The following DAB1 variants were observed in gnomAD, a reference collection of about 807,000 sequenced individuals.
The protein encoded by DAB1 is disabled homolog 1.
In DAB1, 15 loss-of-function variants were observed where a neutral mutation model predicts 64.6. The observed-to-expected ratio is 0.23, with a 90% CI of 0.16 to 0.36. The LOEUF (loss-of-function observed/expected upper bound fraction) is 0.36, where lower values mean the gene tolerates loss of function less well. Ranked by LOEUF, DAB1 falls within the 10% of genes least tolerant of loss-of-function variation. DAB1 has a pLI of 1.00. For missense variants in DAB1, 596 were observed against 706.7 expected (o/e 0.84, Z 1.78); for synonymous variants, 235 against 251.9 (o/e 0.93, Z 0.64).
At chr1:57,423,151 G>C (rs570430724) in intron 1 of DAB1, among the ~76,000 whole-genome samples, 3 of 150,972 alleles carry the variant, frequency 2.0e-5, no homozygotes, top group South Asian at 4.3e-4. Context: ...AAGTTTCCTT[G>C]GTAGAAAAAA....
At chr1:58,064,166 C>T (rs1451462648) in intron 5 of DAB1, among the ~76,000 whole-genome samples, 7 of 152,154 alleles carry the variant, frequency 4.6e-5, no homozygotes, top group Non-Finnish European at 8.8e-5. Flanking sequence ...AAGAAAGAAC[C>T]ACGGGGCCTC....
intron 1 of DAB1, among the ~76,000 whole-genome samples, chr1:57,407,739 T>A (rs139879778): frequency 6.6e-6 from 1 of 151,718 alleles, no homozygotes; most frequent in African/African-American, 2.4e-5. Flanking sequence ...GTAGGACTGT[T>A]GTGAAGATGG....
chr1:57,104,246 G>A (rs115992736), intron 4 of DAB1, among the ~76,000 whole-genome samples: 1 of 152,212 alleles, frequency 6.6e-6, no homozygotes, highest in Non-Finnish European at 1.5e-5. Context: ...CTGCCTCACT[G>A]AACAGGACAT....
chr1:57,846,455 CAAAA>C (rs71051260), intron 1 of DAB1, among the ~76,000 whole-genome samples: 153 of 113,666 alleles, frequency 1.3e-3, no homozygotes, highest in South Asian at 4.2e-3. Context: ...AAGACTCCAT[CAAAA>C]AAAAAAAAAA....
At chr1:57,817,453 C>A (rs1232736659) in intron 6 of DAB1, among the ~76,000 whole-genome samples, 2 of 152,228 alleles carry the variant, frequency 1.3e-5, no homozygotes, top group Admixed American at 1.3e-4. Context: ...CTCGTCTCTC[C>A]ATCCCCATCC....
chr1:58,413,850 T>A (rs1279929600), intron 3 of DAB1, among the ~76,000 whole-genome samples: 1 of 152,152 alleles, frequency 6.6e-6, no homozygotes, highest in Non-Finnish European at 1.5e-5. Flanking sequence ...GAGTCATGTG[T>A]CTCTCGACAA....
At chr1:58,469,736 A>G (rs1645335736) in intron 3 of DAB1, among the ~76,000 whole-genome samples, 1 of 152,164 alleles carries the variant, frequency 6.6e-6, no homozygotes, top group Non-Finnish European at 1.5e-5. Context: ...GGGAGAAGCC[A>G]TTGGGGATTT....
At chr1:57,925,048 A>G (rs2102028457) in intron 5 of DAB1, among the ~76,000 whole-genome samples, 1 of 152,320 alleles carries the variant, frequency 6.6e-6, no homozygotes, top group South Asian at 2.1e-4. Flanking sequence ...CTTTTCACAT[A>G]AAAATCAGGT....
chr1:57,898,638 C>T (rs888608471), intron 5 of DAB1, among the ~76,000 whole-genome samples: 1 of 152,130 alleles, frequency 6.6e-6, no homozygotes, highest in Non-Finnish European at 1.5e-5. Flanking sequence ...AGCTCTCTTG[C>T]CTGGGTTCCA....
At chr1:57,081,295 T>G (rs1014153231) in intron 4 of DAB1, among the ~76,000 whole-genome samples, 6 of 149,796 alleles carry the variant, frequency 4.0e-5, no homozygotes, top group African/African-American at 1.0e-4. Flanking sequence ...ACTTTGGGTC[T>G]TTTCCCTGGC....
intron 7 of DAB1, among the ~76,000 whole-genome samples, chr1:57,487,519 T>G (rs1644107454): frequency 6.6e-6 from 1 of 152,166 alleles, no homozygotes; most frequent in African/African-American, 2.4e-5. Context: ...CACTTGGCTT[T>G]CATATTTCAT....
chr1:57,013,174 C>A (rs752176630), intron 12 of DAB1, among the ~76,000 whole-genome samples: 1 of 152,208 alleles, frequency 6.6e-6, no homozygotes, highest in Non-Finnish European at 1.5e-5. Context: ...AGGTTGCCAA[C>A]GATGCTCTAA....
chr1:57,270,661 C>A (rs1229574003), intron 2 of DAB1, among the ~76,000 whole-genome samples: 2 of 152,332 alleles, frequency 1.3e-5, no homozygotes, highest in African/African-American at 2.4e-5. Flanking sequence ...ACTTACTGAG[C>A]ACTTACTAGG....
intron 5 of DAB1, among the ~76,000 whole-genome samples, chr1:57,977,778 T>C (rs576179399): frequency 7.2e-5 from 11 of 152,014 alleles, no homozygotes; most frequent in Non-Finnish European, 1.3e-4. Flanking sequence ...GTGTCTTCTT[T>C]AAGAACCAGA....
At chr1:57,427,111 C>G (rs1052847291), upstream of DAB1, among the ~76,000 whole-genome samples, 3 of 152,114 alleles carry the variant, frequency 2.0e-5, no homozygotes, top group African/African-American at 7.2e-5. Context: ...GATCCACCCG[C>G]CTCGGCCTCC....
intron 7 of DAB1, among the ~76,000 whole-genome samples, chr1:57,639,500 C>T (rs1646102439): frequency 6.6e-6 from 1 of 152,016 alleles, no homozygotes; most frequent in Non-Finnish European, 1.5e-5. Context: ...GAGGAGTCGC[C>T]TTTTCATATT....
intron 4 of DAB1, among the ~76,000 whole-genome samples, chr1:58,291,071 G>A (rs1661820787): frequency 6.6e-6 from 1 of 152,174 alleles, no homozygotes; most frequent in Admixed American, 6.5e-5. Flanking sequence ...GTGATATGCT[G>A]AGTGAGACAA....
intron 2 of DAB1, among the ~76,000 whole-genome samples, chr1:57,172,713 C>G (rs12077019): frequency 0.099 from 15,065 of 152,060 alleles, 1,636 homozygotes; most frequent in African/African-American, 0.27. Flanking sequence ...ACAACCAGCT[C>G]TCTTGGGAAC....
At chr1:57,470,494 A>T (rs1252585198) in intron 7 of DAB1, among the ~76,000 whole-genome samples, 1 of 152,238 alleles carries the variant, frequency 6.6e-6, no homozygotes, top group African/African-American at 2.4e-5. Flanking sequence ...TTATATTGAA[A>T]GTATCTCTAA....
Sources: allele counts gnomAD v4.1 joint callset (sites outside exome capture counted in the v4.1 genomes callset), GRCh38; gene constraint gnomAD v4.1.1; transcripts MANE v1.5; gene names NCBI Gene and HGNC (gene_info 2026-07-23, HGNC 2026-07-21).